Variants in CCDC47 observed in about 807,000 individuals in gnomAD.
CCDC47 encodes coiled-coil domain containing 47.
Under a neutral mutation model 60.5 loss-of-function variants are expected in CCDC47, and 41 were observed. The ratio of observed to expected loss-of-function variants is 0.68; its 90% CI spans 0.53 to 0.88. The LOEUF (loss-of-function observed/expected upper bound fraction) is 0.88. Among genes scored for constraint, CCDC47 ranks in the 40% least tolerant of loss-of-function variants. The pLI, the probability that CCDC47 is intolerant of heterozygous loss-of-function variation, is 0.00. For missense variants in CCDC47, 513 were observed against 580.9 expected (o/e 0.88, Z 1.20); for synonymous variants, 195 against 190.7 (o/e 1.02, Z -0.18).
At position 63,766,214 on chromosome 17, in the gene CCDC47, C is replaced by G. The variant is rs1399096878; in HGVS notation, c.-19-20G>C. ...AAAAAGCTTAAAAAAAAAGAGAACCCCAAAATGGATTGCCATTCTATACAT... is the reference window on the plus strand; with the variant it reads ...AAAAAGCTTAAAAAAAAAGAGAACCGCAAAATGGATTGCCATTCTATACAT... On this transcript the variant is annotated intron_variant, in intron 1 of 12. Transcript: ENST00000225726. 2 of 1,577,722 alleles carry G rather than the reference C, an allele frequency of 1.3e-6. No individual in the cohort carries two copies. The highest frequency in any genetic ancestry group is 1.4e-5 in the African/African-American group (1 of 72,942).
chr17:63,768,231 T>C (rs150458378), intron 1 of CCDC47, among the ~76,000 whole-genome samples: 20 of 152,332 alleles, frequency 1.3e-4, no homozygotes, highest in Middle Eastern at 3.4e-3. Flanking sequence ...ATCGCCACAG[T>C]AGGTACTATG....
In CCDC47 at chr17:63,759,504, AAAAAATATATATATATATATATT is replaced by A. The variant is rs2039233411; in HGVS notation, c.735+1387_735+1409del. Among the ~76,000 whole-genome samples the A allele has an allele frequency of 1.9e-4, 5 of 25,812 alleles. 1 individual carries two copies. In the African/African-American group the frequency reaches 2.1e-3, roughly 11 times the overall value. 16.9% of individuals were successfully genotyped at this position (25,812 alleles called of 152,430 possible). A position where few individuals can be genotyped will look rare whatever the true frequency, so the allele number is the denominator to read the frequency against. ...ATTCTGTCTCCCAAAAAAAAAAAAA[AAAAAATATATATATATATATATT>A]TATATATATATATATATATATATAT... On this transcript the variant is annotated intron_variant, in intron 6 of 12. Coordinates refer to ENST00000225726, the MANE Select transcript of CCDC47 (RefSeq NM_020198.3).
At position 63,752,331 on chromosome 17, in the gene CCDC47, G is replaced by A; in HGVS notation, c.1192C>T (p.Leu398Phe). 1 of 1,611,456 alleles carries A rather than the reference G, an allele frequency of 6.2e-7. No homozygotes were observed. The highest frequency in any genetic ancestry group is 8.5e-7 in the Non-Finnish European group (1 of 1,177,766). Residue 398 changes from leucine to phenylalanine, a missense_variant, in exon 11 of 13, where the codon CTC (leucine) becomes TTC (phenylalanine). Coordinates refer to ENST00000225726, the MANE Select transcript of CCDC47 (RefSeq NM_020198.3). ...YSIDKAKKFRLNREGKQKADK... is the reference protein window; with the variant it reads ...YSIDKAKKFRFNREGKQKADK... ...GCATTGGGTCTTACTTCTCTGTTGA[G>A]TCGGAACTTTTTGGCTTTATCAATA...
chr17:63,749,473 A>G (rs1202943878), intron 12 of CCDC47, among the ~76,000 whole-genome samples: 1 of 123,458 alleles, frequency 8.1e-6, no homozygotes, highest in South Asian at 2.5e-4. Context: ...AAAAAAAAAG[A>G]CCTGGCACGG....
chr17:63,757,376 TAAAAAA>T (rs200173061), intron 6 of CCDC47, among the ~76,000 whole-genome samples: 4 of 131,570 alleles, frequency 3.0e-5, no homozygotes, highest in Admixed American at 7.5e-5. Flanking sequence ...CAAAAAAAAT[TAAAAAA>T]AAAAAAAAAG....
At chr17:63,762,926 T>C (rs1568250530) in intron 4 of CCDC47, among the ~76,000 whole-genome samples, 1 of 152,168 alleles carries the variant, frequency 6.6e-6, no homozygotes, top group Non-Finnish European at 1.5e-5. Flanking sequence ...AAATACAATA[T>C]ATTCTTATTT....
Position 63,770,619 on chromosome 17 carries a change from T to G in CCDC47, c.-20+2793A>C, listed in dbSNP as rs139169751. Among the ~76,000 whole-genome samples, 1,317 of 152,314 alleles carry G rather than the reference T, an allele frequency of 8.6e-3. 18 individuals carry two copies. The highest frequency in any genetic ancestry group is 0.03 in the African/African-American group (1,263 of 41,572). Reference sequence around the variant, plus strand: ...TAAATCTCATTTATAGCACTGAAACTTCTTAAAGAAATCAGTTTAATATCG... The same window carrying G: ...TAAATCTCATTTATAGCACTGAAACGTCTTAAAGAAATCAGTTTAATATCG... On this transcript the variant is annotated intron_variant, in intron 1 of 12. Transcript: ENST00000225726.
intron 4 of CCDC47, among the ~76,000 whole-genome samples, chr17:63,762,882 T>C (rs2039270819): frequency 6.6e-6 from 1 of 152,234 alleles, no homozygotes; most frequent in South Asian, 2.1e-4. Flanking sequence ...TTTAGCAATT[T>C]TACTGCTGAC....
At chr17:63,754,258 T>C (rs1025407602) in intron 9 of CCDC47, among the ~76,000 whole-genome samples, 175 bp downstream of exon 9, 5 of 152,176 alleles carry the variant, frequency 3.3e-5, no homozygotes, top group African/African-American at 9.7e-5. Context: ...TTCTCTCCCA[T>C]AGGTTTACAA....
intron 2 of CCDC47, chr17:63,765,159 G>C: frequency 7.6e-6 from 1 of 131,966 alleles, no homozygotes; most frequent in Non-Finnish European, 1.5e-5. Context: ...CACACACGGA[G>C]GCAACTATGT....
At position 63,752,308 on chromosome 17, in the gene CCDC47, A is replaced by G; in HGVS notation, c.1203+12T>C. The G allele has an allele frequency of 6.3e-7, 1 of 1,579,818 alleles. No individual in the cohort carries two copies. The highest frequency in any genetic ancestry group is 8.7e-7 in the Non-Finnish European group (1 of 1,150,016). On this transcript the variant is annotated intron_variant, in intron 11 of 12. Coordinates refer to ENST00000225726, the MANE Select transcript of CCDC47 (RefSeq NM_020198.3). ...AGGTGCCAATTTATATAATACAGGC[A>G]TTGGGTCTTACTTCTCTGTTGAGTC...
chr17:63,759,954 C>T lies in CCDC47; in HGVS notation c.735+960G>A, dbSNP rs190623784. ...TGGCGGACGCCTGTAGTCCCAGCTACTCGGGAGGCTGAGGCAGGAGAATTA... is the reference window on the plus strand; with the variant it reads ...TGGCGGACGCCTGTAGTCCCAGCTATTCGGGAGGCTGAGGCAGGAGAATTA... On this transcript the variant is annotated intron_variant, in intron 6 of 12. Coordinates refer to ENST00000225726, the MANE Select transcript of CCDC47 (RefSeq NM_020198.3). Among the ~76,000 whole-genome samples the T allele has an allele frequency of 5.4e-3, 808 of 150,412 alleles. 5 individuals carry two copies. The highest frequency in any genetic ancestry group is 0.018 in the African/African-American group (739 of 40,880).
intron 1 of CCDC47, among the ~76,000 whole-genome samples, chr17:63,773,033 C>T (rs1454008649): frequency 3.3e-5 from 5 of 152,234 alleles, no homozygotes; most frequent in Admixed American, 2.6e-4. Context: ...TTAGGTCTTC[C>T]TGACAACGGC....
rs150438042 is a variant in CCDC47, at chr17:63,764,079, G to A, written c.484C>T (p.Arg162Cys). Residue 162 changes from arginine (R) to cysteine (C), a missense_variant, in exon 4 of 13, where the codon CGC (arginine) becomes TGC (cysteine). Physicochemically the swap from Arg to Cys is radical, Grantham distance 180 (BLOSUM62 -3). Transcript: ENST00000225726. ...GTGTTAAACCAGGCCTGTGCAAGGC[G>A]ACTGTTTTTATTCTTCCCAATGATG... ...NYIIGKNKNS[R>C]LAQAWFNTHR... is the part of the protein sequence containing the mutation. 4.3e-6 allele frequency: 7 copies of A among 1,613,234 alleles called. No individual in the cohort carries two copies. The highest frequency in any genetic ancestry group is 1.1e-5 in the South Asian group (1 of 90,892).
rs376653510 is a variant in CCDC47 at position 63,752,076 on chromosome 17, C to T, written c.1235G>A (p.Arg412Gln). 32 of 1,613,668 alleles carry T rather than the reference C, an allele frequency of 2.0e-5. No homozygotes were observed. The highest frequency in any genetic ancestry group is 1.2e-4 in the African/African-American group (9 of 74,844). The stretch of plus-strand genomic sequence containing the variant: ...CAGTTTCAAGAAGTTCTCTTCTACT[C>T]GGGCACGGTTCTTATCTGCTTTTTG... The part of the protein sequence containing the change: ...GKQKADKNRA[R>Q]VEENFLKLTH... The change falls in exon 12 of 13, where the codon CGA (arginine) becomes CAA (glutamine). Residue 412 changes from arginine to glutamine, a missense_variant. Coordinates refer to ENST00000225726, the MANE Select transcript of CCDC47 (RefSeq NM_020198.3).
intron 1 of CCDC47, 37 bp downstream of exon 1, chr17:63,773,375 G>C (rs2039367125): frequency 6.6e-6 from 1 of 152,212 alleles, no homozygotes; most frequent in Non-Finnish European, 1.5e-5. Context: ...GGCCTGGCCC[G>C]GCCACGCCGA....
Position 63,756,252 on chromosome 17 carries a change from C to T in CCDC47, c.936G>A (p.Met312Ile). Residue 312 changes from methionine to isoleucine, a missense_variant, in exon 8 of 13, where the codon ATG becomes ATA. Met to Ile is a conservative substitution (Grantham distance 10). Transcript: ENST00000225726. ...CTGTCGCATTTACCTTTGTATCCAT[C>T]ATTCCGTCTGTGACTTCTCCCATCT... Reference protein sequence around the residue: ...LSEMGEVTDGMMDTKMVHFLT... With the variant: ...LSEMGEVTDGIMDTKMVHFLT... The T allele has an allele frequency of 6.2e-7, 1 of 1,612,736 alleles. No homozygotes were observed. The highest frequency in any genetic ancestry group is 8.5e-7 in the Non-Finnish European group (1 of 1,178,692).
chr17:63,771,462 C>T (rs1212317285), intron 1 of CCDC47, among the ~76,000 whole-genome samples: 1 of 152,060 alleles, frequency 6.6e-6, no homozygotes, highest in Non-Finnish European at 1.5e-5. Context: ...CTAGTTGATC[C>T]TTCAGGTTAG....
At position 63,764,860 on chromosome 17, in the gene CCDC47, G is replaced by A. The variant is rs372848687; in HGVS notation, c.265-13C>T. 1 of 1,605,838 alleles carries A rather than the reference G, an allele frequency of 6.2e-7. No individual in the cohort carries two copies. The highest frequency in any genetic ancestry group is 8.5e-7 in the Non-Finnish European group (1 of 1,177,550). On this transcript the variant is annotated splice_polypyrimidine_tract_variant and intron_variant, in intron 2 of 12. Transcript: ENST00000225726. Reference sequence around the variant, plus strand: ...CAGTATCTCCCTCCTACAAAAATGAGGCATCATCCGTTTTCCTCTACAAAT... The same window carrying A: ...CAGTATCTCCCTCCTACAAAAATGAAGCATCATCCGTTTTCCTCTACAAAT...
Sources: allele counts gnomAD v4.1 joint callset (sites outside exome capture counted in the v4.1 genomes callset), GRCh38; gene constraint gnomAD v4.1.1; transcripts MANE v1.5; gene names NCBI Gene and HGNC (gene_info 2026-07-23, HGNC 2026-07-21).